CYP4F22: variants seen among roughly 807,000 people sequenced by gnomAD.
CYP4F22 encodes cytochrome P450 family 4 subfamily F member 22.
Under a neutral mutation model 60.4 loss-of-function variants are expected in CYP4F22, and 37 were observed. The observed-to-expected ratio is 0.61, with a 90% CI of 0.47 to 0.81. The LOEUF is 0.81. Among genes scored for constraint, CYP4F22 ranks in the 30% least tolerant of loss-of-function variants. The pLI, the probability that CYP4F22 is intolerant of heterozygous loss-of-function variation, is 0.00. For synonymous variants in CYP4F22, 258 were observed against 280.5 expected, an observed-to-expected ratio of 0.92 and a Z score of 0.80; for missense variants, 655 against 715.0, an observed-to-expected ratio of 0.92 and a Z score of 0.96.
intron 1 of CYP4F22, among the ~76,000 whole-genome samples, chr19:15,510,466 G>A (rs752722081): frequency 1.3e-5 from 2 of 152,236 alleles, no homozygotes; most frequent in East Asian, 3.9e-4. Context: ...AATGGATGAA[G>A]AAATTGAGGC....
At chr19:15,524,478 T>C (rs1215341587) in intron 2 of CYP4F22, among the ~76,000 whole-genome samples, 2 of 151,984 alleles carry the variant, frequency 1.3e-5, no homozygotes, top group Admixed American at 6.6e-5. Context: ...GGCAAAATCC[T>C]GTCTCTACAA....
chr19:15,526,988 AG>A (rs1721918358), intron 3 of CYP4F22, among the ~76,000 whole-genome samples: 1 of 151,956 alleles, frequency 6.6e-6, no homozygotes, highest in African/African-American at 2.4e-5. Context: ...CCTGACCTCA[AG>A]TGAACCACCG....
In CYP4F22 at chr19:15,525,330, C is replaced by A. The variant is rs755005554; in HGVS notation, c.-1-6C>A. 1 of 1,612,578 alleles carries A rather than the reference C, an allele frequency of 6.2e-7. No individual in the cohort carries two copies. Among genetic ancestry groups the A allele is most frequent in the South Asian group, 1.1e-5 (1 of 91,050 alleles). On this transcript the variant is annotated splice_polypyrimidine_tract_variant and splice_region_variant and intron_variant, in intron 2 of 13. Coordinates refer to ENST00000269703, the MANE Select transcript of CYP4F22 (RefSeq NM_173483.4). ...GCACCGACCCCCTGACCCTGTGTGT[C>A]CCCAGGATGCTGCCCATCACAGACC...
At chr19:15,541,940 GGT>G (rs1971468159) in intron 8 of CYP4F22, among the ~76,000 whole-genome samples, 1 of 151,946 alleles carries the variant, frequency 6.6e-6, no homozygotes, top group Admixed American at 6.6e-5. Flanking sequence ...GTCACTCATT[GGT>G]GTGTCTGTGG....
intron 8 of CYP4F22, among the ~76,000 whole-genome samples, chr19:15,541,839 C>T (rs1971466321): frequency 7.2e-6 from 1 of 139,206 alleles, no homozygotes; most frequent in Non-Finnish European, 1.5e-5. Context: ...GAGATCATGC[C>T]ATTGCACTCA....
rs111692702 is a variant in CYP4F22 at position 15,540,991 on chromosome 19, G to A, written c.939+274G>A. On this transcript the variant is annotated intron_variant, in intron 8 of 13. Transcript: ENST00000269703. ...AGCTACTTGGGAGGCTGAAGCAGGA[G>A]TCTGGCTTGAGCCCAGGAGTTGGAA... is the stretch of plus-strand genomic sequence containing the variant. Among the ~76,000 whole-genome samples, 954 of 152,330 alleles carry A rather than the reference G, an allele frequency of 6.3e-3. 5 individuals carry two copies. The highest frequency in any genetic ancestry group is 8.3e-3 in the Non-Finnish European group (567 of 68,032).
intron 1 of CYP4F22, among the ~76,000 whole-genome samples, chr19:15,513,426 G>A (rs1251994916): frequency 1.4e-5 from 2 of 141,238 alleles, no homozygotes; most frequent in Non-Finnish European, 3.1e-5. Flanking sequence ...GTGCAGTGGC[G>A]CGATCTCGGC....
At position 15,540,493 on chromosome 19, in the gene CYP4F22, C is replaced by G; in HGVS notation, c.715C>G (p.Leu239Val). ...YISAIIELSA[L>V]SVRRQYRLHH... ...CTCCGCTATCATTGAACTGAGCGCT[C>G]TGTCTGTCCGGCGCCAGTATCGCTT... is the stretch of plus-strand genomic sequence containing the variant. Residue 239 changes from leucine to valine, a missense_variant, in exon 8 of 14, where the codon CTG becomes GTG. Physicochemically the swap from Leu to Val is conservative, Grantham distance 32 (BLOSUM62 1). Around this residue, in one of 3 missense-constraint regions of CYP4F22, gnomAD observed 430 missense variants for 457.1 expected, o/e 0.94. Transcript: ENST00000269703. 2 of 1,614,194 alleles carry G rather than the reference C, an allele frequency of 1.2e-6. No homozygotes were observed. Among genetic ancestry groups the G allele is most frequent in the Non-Finnish European group, 1.7e-6 (2 of 1,180,046 alleles).
Position 15,551,468 on chromosome 19 carries a change from C to T in CYP4F22, c.1593C>T (p.Ala531=), listed in dbSNP as rs1367304596. Residue 531 remains alanine (A), a synonymous_variant, in exon 14 of 14, where the codon GCC becomes GCT. Transcript: ENST00000269703. The part of the protein sequence containing the change: ...WLKVEPLPPR[A] ...AGGTGGAGCCGCTGCCTCCGCGGGC[C>T]TGAGCGTGGGCGCGCCCCTGCGGCT... 1 of 1,557,684 alleles carries T rather than the reference C, an allele frequency of 6.4e-7. No individual in the cohort carries two copies. The highest frequency in any genetic ancestry group is 8.7e-7 in the Non-Finnish European group (1 of 1,151,518).
chr19:15,520,223 A>C (rs966415850), intron 1 of CYP4F22, among the ~76,000 whole-genome samples: 1 of 151,468 alleles, frequency 6.6e-6, no homozygotes, highest in Non-Finnish European at 1.5e-5. Flanking sequence ...GTGGGCGCCT[A>C]TAGTCCCAGC....
chr19:15,513,887 T>C (rs1292532299), intron 1 of CYP4F22, among the ~76,000 whole-genome samples: 3 of 152,208 alleles, frequency 2.0e-5, no homozygotes, highest in Admixed American at 2.0e-4. Flanking sequence ...TTTTCAGCCC[T>C]AATCGAGATG....
intron 10 of CYP4F22, 53 bp from the exon 11 acceptor site, chr19:15,548,055 G>C: frequency 6.6e-7 from 1 of 1,510,288 alleles, no homozygotes; most frequent in Non-Finnish European, 9.1e-7. Flanking sequence ...GTGTGTTTTG[G>C]GGAGGTGGTG....
chr19:15,521,294 C>T (rs570615281), intron 1 of CYP4F22, among the ~76,000 whole-genome samples: 14 of 140,250 alleles, frequency 1.0e-4, no homozygotes, highest in East Asian at 2.1e-4. Context: ...TGCAGTGGTT[C>T]GATCTCAGCT....
intron 2 of CYP4F22, among the ~76,000 whole-genome samples, chr19:15,524,700 A>AAGAG (rs966373371): frequency 8.2e-5 from 12 of 147,110 alleles, no homozygotes; most frequent in South Asian, 4.2e-4. Context: ...GAAAGAAAGA[A>AAGAG]AGAGAGAGAG....
Position 15,544,165 on chromosome 19 carries a change from C to A in CYP4F22, c.1022C>A (p.Ser341Tyr). 6.2e-7 allele frequency: 1 copy of A among 1,614,158 alleles called. No individual in the cohort carries two copies. The highest frequency in any genetic ancestry group is 1.1e-5 in the South Asian group (1 of 91,078). The change falls in exon 10 of 14, where the codon TCC becomes TAC. Residue 341 changes from serine (S) to tyrosine (Y), a missense_variant. Ser to Tyr is a moderately radical substitution (Grantham distance 144). Transcript: ENST00000269703. ...CTCCCTGCAGGTCACGACACAACAT[C>A]CAGTGGGATCTCTTGGATGCTGTTC... ...TFMFEGHDTT[S>Y]SGISWMLFNL...
intron 3 of CYP4F22, among the ~76,000 whole-genome samples, chr19:15,527,396 C>CGAA (rs1971295104): frequency 6.6e-6 from 1 of 152,204 alleles, no homozygotes; most frequent in East Asian, 1.9e-4. Context: ...AACAAGGCTC[C>CGAA]CACCTCCAAG....
intron 4 of CYP4F22, among the ~76,000 whole-genome samples, chr19:15,534,344 C>T (rs918772837): frequency 1.3e-5 from 2 of 152,184 alleles, no homozygotes; most frequent in Admixed American, 1.3e-4. Flanking sequence ...CTGGCTGGCC[C>T]AGAACCCAAG....
At chr19:15,517,349 G>A (rs1261761547) in intron 1 of CYP4F22, among the ~76,000 whole-genome samples, 1 of 152,204 alleles carries the variant, frequency 6.6e-6, no homozygotes, top group East Asian at 1.9e-4. Flanking sequence ...TGTCCCAACT[G>A]GGGACTCACA....
chr19:15,527,391 G>A (rs751139421), intron 3 of CYP4F22, among the ~76,000 whole-genome samples: 1 of 152,120 alleles, frequency 6.6e-6, no homozygotes, highest in Non-Finnish European at 1.5e-5. Context: ...CCTGTAACAA[G>A]GCTCCCACCT....
Sources: gnomAD v4.1 joint callset for allele counts (sites outside exome capture counted in the v4.1 genomes callset) on GRCh38, gnomAD v4.1.1 for gene constraint, gnomAD v4.1.1 regional missense constraint, MANE v1.5 for transcripts, NCBI Gene and HGNC (gene_info 2026-07-23, HGNC 2026-07-21) for gene names.